Variants in ACSM3 observed in about 807,000 individuals in gnomAD.
ACSM3 encodes the protein acyl-CoA synthetase medium chain family member 3, also known as acyl-coenzyme A synthetase ACSM3, mitochondrial.
A neutral mutation model predicts 74.1 loss-of-function variants in ACSM3; 61 were observed. The observed-to-expected ratio is 0.82, with a 90% CI of 0.67 to 1.02. The LOEUF (loss-of-function observed/expected upper bound fraction) is 1.02, where lower values mean the gene tolerates loss of function less well. Ranked by LOEUF, ACSM3 falls within the 50% of genes least tolerant of loss-of-function variation. The probability of loss-of-function intolerance (pLI) is 0.00; values close to 1 mark genes in which losing one functional copy is unlikely to be tolerated. For missense variants in ACSM3, 660 were observed against 697.0 expected (o/e 0.95, Z 0.60); for synonymous variants, 213 against 241.5 (o/e 0.88, Z 1.09).
upstream of ACSM3, among the ~76,000 whole-genome samples, chr16:20,760,522 T>C (rs908708429): frequency 1.3e-5 from 2 of 152,072 alleles, no homozygotes; most frequent in Non-Finnish European, 2.9e-5. Context: ...TTCTTACATC[T>C]TGAGAAAAAC....
intron 1 of ACSM3, chr16:20,729,216 T>C (rs764497880): frequency 1.5e-5 from 12 of 804,622 alleles, no homozygotes; most frequent in Non-Finnish European, 2.2e-5. Context: ...CCAAATGTCA[T>C]CTTTGATTCC....
intron 1 of ACSM3, chr16:20,734,093 C>A (rs1009331748): frequency 1.3e-5 from 2 of 150,846 alleles, no homozygotes; most frequent in Admixed American, 1.3e-4. Context: ...GTGTAACAAC[C>A]GATTCTTACC....
chr16:20,677,953 A>C (rs1272815925), intron 1 of ACSM3, among the ~76,000 whole-genome samples: 1 of 152,092 alleles, frequency 6.6e-6, no homozygotes, highest in Non-Finnish European at 1.5e-5. Context: ...TATAGGCCTT[A>C]AAAGATGTGG....
chr16:20,762,460 A>G (rs1284540927), upstream of ACSM3, among the ~76,000 whole-genome samples: 1 of 152,162 alleles, frequency 6.6e-6, no homozygotes, highest in Non-Finnish European at 1.5e-5. Flanking sequence ...ATCATAAAAG[A>G]TCTAACATGG....
chr16:20,709,717 T>C (rs983458384), intron 1 of ACSM3, among the ~76,000 whole-genome samples: 2 of 152,252 alleles, frequency 1.3e-5, no homozygotes, highest in Non-Finnish European at 2.9e-5. Flanking sequence ...AGGGATGATA[T>C]TTAAAAGCTT....
At chr16:20,699,964 A>T (rs1341482537) in intron 1 of ACSM3, among the ~76,000 whole-genome samples, 1 of 152,200 alleles carries the variant, frequency 6.6e-6, no homozygotes, top group Non-Finnish European at 1.5e-5. Flanking sequence ...TCTGAACAAT[A>T]AACTCCATGT....
Position 20,787,938 on chromosome 16 carries a change from T to C in ACSM3, c.1224+1780T>C, listed in dbSNP as rs987039713. 5.9e-5 allele frequency among the ~76,000 whole-genome samples: 9 copies of C among 152,298 alleles called. No individual in the cohort carries two copies. In the East Asian group the frequency reaches 1.7e-3, roughly 29 times the overall value. On this transcript the variant is annotated intron_variant, in intron 9 of 13. Transcript: ENST00000289416. The stretch of plus-strand genomic sequence containing the variant: ...AACCCCTCACCACTTCAGTCTCAGA[T>C]GGTTGGTAAACCAAATAATAACAGA...
At position 20,705,297 on chromosome 16, in the gene ACSM3, C is replaced by T. The variant is rs148838894; in HGVS notation, c.-190+30475C>T. Among the ~76,000 whole-genome samples, 9 of 146,690 alleles carry T rather than the reference C, an allele frequency of 6.1e-5. 1 individual carries two copies. In the East Asian group the frequency reaches 1.6e-3, roughly 26 times the overall value. On this transcript the variant is annotated intron_variant, in intron 1 of 3. Coordinates refer to the ACSM3 transcript ENST00000561584. ...CTGAGGCAGGAGAATGGTGTAAACC[C>T]GGGAGGTGGAGCTTGCACTGAGCAG... is the stretch of plus-strand genomic sequence containing the variant.
intron 2 of ACSM3, among the ~76,000 whole-genome samples, chr16:20,771,948 AT>A (rs2080198885): frequency 6.6e-6 from 1 of 152,240 alleles, no homozygotes; most frequent in Admixed American, 6.5e-5. Flanking sequence ...GTAAGATCAT[AT>A]CTCATCATGG....
In ACSM3 at chr16:20,745,092, C is replaced by T. The variant is rs574525023; in HGVS notation, c.-189-4818C>T. Among the ~76,000 whole-genome samples, 8 of 152,332 alleles carry T rather than the reference C, an allele frequency of 5.3e-5. No individual in the cohort carries two copies. In the South Asian group the frequency reaches 1.4e-3, roughly 28 times the overall value. On this transcript the variant is annotated intron_variant, in intron 1 of 3. Transcript: ENST00000561584. ...TACTTCCTCTTCTGAAACAGGCCCTCGTCCAGCTCTAAATAACTCAGCCTT... is the reference window on the plus strand; with the variant it reads ...TACTTCCTCTTCTGAAACAGGCCCTTGTCCAGCTCTAAATAACTCAGCCTT...
chr16:20,680,368 C>G (rs1283382722), intron 1 of ACSM3: 1 of 152,140 alleles, frequency 6.6e-6, no homozygotes. Context: ...TTTGGATAAG[C>G]CAGTGCCTGA....
At chr16:20,771,686 G>A (rs148081419) in intron 2 of ACSM3, among the ~76,000 whole-genome samples, 165 of 152,228 alleles carry the variant, frequency 1.1e-3, no homozygotes, top group Non-Finnish European at 1.5e-3. Context: ...GTACAGTGCT[G>A]CAATAAACAT....
At chr16:20,762,279 A>T (rs574740245), upstream of ACSM3, among the ~76,000 whole-genome samples, 1 of 152,300 alleles carries the variant, frequency 6.6e-6, no homozygotes, top group South Asian at 2.1e-4. Context: ...TAGAAAAAAA[A>T]ACACTGTTTT....
intron 1 of ACSM3, chr16:20,727,366 A>C: frequency 1.7e-6 from 1 of 588,442 alleles, no homozygotes; most frequent in Non-Finnish European, 3.2e-6. Context: ...AGGCTGCGGC[A>C]CTGCTTGACA....
chr16:20,708,938 A>T (rs1447265196), intron 1 of ACSM3, among the ~76,000 whole-genome samples: 1 of 152,250 alleles, frequency 6.6e-6, no homozygotes, highest in Non-Finnish European at 1.5e-5. Context: ...ATATGCATCA[A>T]TGCAATAGAA....
chr16:20,762,750 A>T (rs959982591), upstream of ACSM3, among the ~76,000 whole-genome samples: 3 of 152,240 alleles, frequency 2.0e-5, no homozygotes, highest in African/African-American at 4.8e-5. Context: ...AGAAAAAAAT[A>T]GAAATAGAGG....
intron 1 of ACSM3, among the ~76,000 whole-genome samples, chr16:20,742,807 ATATATATTT>A (rs762107383): frequency 7.3e-5 from 7 of 95,934 alleles, no homozygotes; most frequent in South Asian, 3.1e-4. Flanking sequence ...ATATATATAT[ATATATATTT>A]TTTTTTTTTC....
At chr16:20,713,233 T>A (rs1474585923) in intron 1 of ACSM3, among the ~76,000 whole-genome samples, 1 of 152,196 alleles carries the variant, frequency 6.6e-6, no homozygotes, top group Non-Finnish European at 1.5e-5. Flanking sequence ...CTTAGCTGAA[T>A]GCCTGGCATA....
intron 2 of ACSM3, among the ~76,000 whole-genome samples, chr16:20,772,206 C>T (rs919243426): frequency 1.3e-5 from 2 of 152,042 alleles, no homozygotes; most frequent in African/African-American, 4.8e-5. Flanking sequence ...TGTCTCTTCT[C>T]TCTGTTGATT....
Sources: gnomAD v4.1 joint callset for allele counts (sites outside exome capture counted in the v4.1 genomes callset) on GRCh38, gnomAD v4.1.1 for gene constraint, MANE v1.5 for transcripts, NCBI Gene and HGNC (gene_info 2026-07-23, HGNC 2026-07-21) for gene names.